Variants in RALGAPB observed in about 807,000 individuals in gnomAD.
The protein encoded by RALGAPB is ral GTPase-activating protein subunit beta.
A neutral mutation model predicts 161.1 loss-of-function variants in RALGAPB; 25 were observed. The ratio of observed to expected loss-of-function variants is 0.16; its 90% confidence interval spans 0.11 to 0.22. The LOEUF (loss-of-function observed/expected upper bound fraction) is 0.22. Among genes scored for constraint, RALGAPB ranks in the 10% least tolerant of loss-of-function variants. RALGAPB has a pLI of 1.00. For missense variants in RALGAPB, 1,391 were observed against 1,815.2 expected (o/e 0.77, Z 4.25); for synonymous variants, 629 against 626.1 (o/e 1.00, Z -0.07).
chr20:38,478,314 A>G (rs147542751), intron 1 of RALGAPB, among the ~76,000 whole-genome samples: 74 of 152,352 alleles, frequency 4.9e-4, no homozygotes, highest in African/African-American at 1.7e-3. Flanking sequence ...CGTCTGTCTT[A>G]CCTAACCTTC....
At chr20:38,565,757 G>A (rs770545992) in intron 25 of RALGAPB, among the ~76,000 whole-genome samples, 1 of 151,938 alleles carries the variant, frequency 6.6e-6, no homozygotes, top group Non-Finnish European at 1.5e-5. Context: ...CAATACATAG[G>A]CTTATTTTCC....
At chr20:38,565,132 G>C (rs1568981753) in intron 24 of RALGAPB, among the ~76,000 whole-genome samples, 1 of 151,904 alleles carries the variant, frequency 6.6e-6, no homozygotes, top group East Asian at 1.9e-4. Flanking sequence ...AATCAGAAGT[G>C]GTCTGATATA....
chr20:38,551,928 A>G (rs550974969), intron 21 of RALGAPB, among the ~76,000 whole-genome samples: 2 of 152,234 alleles, frequency 1.3e-5, no homozygotes, highest in South Asian at 4.2e-4. Context: ...AGAAGAAGGA[A>G]TAGAAAAAGT....
Position 38,576,199 on chromosome 20 carries a change from C to T in RALGAPB, c.*1232C>T, listed in dbSNP as rs150808101. Reference sequence around the variant, plus strand: ...TTACAGTGCTACAGTATACACTGCTCATTTATCCTATTCTCATGTGCTTTC... The same window carrying T: ...TTACAGTGCTACAGTATACACTGCTTATTTATCCTATTCTCATGTGCTTTC... On this transcript the variant is annotated 3_prime_UTR_variant, in exon 30 of 30. Transcript: ENST00000262879. The T allele has an allele frequency of 1.1e-3, 164 of 152,762 alleles. 1 individual carries two copies. The highest frequency in any genetic ancestry group is 2.1e-3 in the South Asian group (10 of 4,828). 9.5% of individuals were successfully genotyped at this position (152,762 alleles called of 1,614,324 possible). A position where few individuals can be genotyped will look rare whatever the true frequency, so the allele number is the denominator to read the frequency against.
intron 13 of RALGAPB, among the ~76,000 whole-genome samples, chr20:38,528,345 TTTTATTTATTTATTTA>T (rs55916951): frequency 1.4e-4 from 21 of 147,350 alleles, no homozygotes; most frequent in Middle Eastern, 3.5e-3. Flanking sequence ...TTCATTTTAT[TTTTATTTATTTATTTA>T]TTTATTTATT....
In RALGAPB at chr20:38,575,301, A is replaced by G. The variant is rs1751383576; in HGVS notation, c.*334A>G. 1.0e-5 allele frequency: 2 copies of G among 198,392 alleles called. No individual in the cohort carries two copies. The highest frequency in any genetic ancestry group is 1.1e-4 in the South Asian group (1 of 8,718). The allele number at this position is 198,392 out of a possible 1,614,324, so 12.3% of individuals were successfully genotyped here. A position where few individuals can be genotyped will look rare whatever the true frequency, so the allele number is the denominator to read the frequency against. ...TCAGTTAAACACGTGCATTGGTAGT[A>G]TCAACAAATTTGCAATATAGAAGTT... On this transcript the variant is annotated 3_prime_UTR_variant, in exon 30 of 30. Coordinates refer to ENST00000262879, the MANE Select transcript of RALGAPB (RefSeq NM_020336.4).
chr20:38,554,773 C>G (rs917361861), intron 22 of RALGAPB, among the ~76,000 whole-genome samples: 1 of 152,172 alleles, frequency 6.6e-6, no homozygotes, highest in African/African-American at 2.4e-5. Context: ...TTCTTAATTC[C>G]ATTAGCCTTA....
intron 3 of RALGAPB, among the ~76,000 whole-genome samples, chr20:38,494,604 T>G (rs558546229): frequency 1.3e-5 from 2 of 152,304 alleles, no homozygotes; most frequent in East Asian, 3.9e-4. Context: ...GCACTCAGCC[T>G]GGGTGACAGA....
intron 1 of RALGAPB, among the ~76,000 whole-genome samples, chr20:38,482,113 G>A (rs2084986827): frequency 6.6e-6 from 1 of 152,098 alleles, no homozygotes; most frequent in Non-Finnish European, 1.5e-5. Context: ...TACATATTTT[G>A]TATATATATT....
chr20:38,520,771 T>A (rs768788530), intron 9 of RALGAPB, among the ~76,000 whole-genome samples: 9 of 152,174 alleles, frequency 5.9e-5, no homozygotes, highest in Non-Finnish European at 1.0e-4. Flanking sequence ...TGATTTTCAA[T>A]ACACTGTGAA....
chr20:38,497,003 T>G (rs2085445711), intron 3 of RALGAPB, among the ~76,000 whole-genome samples: 1 of 152,172 alleles, frequency 6.6e-6, no homozygotes, highest in African/African-American at 2.4e-5. Context: ...AGGGTGGCGG[T>G]GGGTATTTAC....
intron 21 of RALGAPB, 25 bp downstream of exon 21, chr20:38,551,248 G>A: frequency 6.2e-7 from 1 of 1,605,446 alleles, no homozygotes; most frequent in Non-Finnish European, 8.5e-7. Flanking sequence ...TTTAGCTGTT[G>A]TCAAGGGGAT....
chr20:38,513,015 C>T (rs919129462), intron 6 of RALGAPB, among the ~76,000 whole-genome samples: 15 of 152,112 alleles, frequency 9.9e-5, no homozygotes, highest in African/African-American at 3.6e-4. Context: ...CTGCCTCGGC[C>T]TCTCAAAGTG....
chr20:38,488,331 A>G (rs1457067313), intron 1 of RALGAPB, 72 bp from the exon 2 acceptor site: 4 of 963,844 alleles, frequency 4.2e-6, no homozygotes, highest in Admixed American at 2.2e-5. Flanking sequence ...AATAGTCTAT[A>G]CATCTGTTTT....
Position 38,509,080 on chromosome 20 carries a change from G to A in RALGAPB, c.744G>A (p.Leu248=), listed in dbSNP as rs2085856068. 1 of 1,613,264 alleles carries A rather than the reference G, an allele frequency of 6.2e-7. No homozygotes were observed. Among genetic ancestry groups the A allele is most frequent in the African/African-American group, 1.3e-5 (1 of 74,886 alleles). Reference sequence around the variant, plus strand: ...GTGGTGTGCATTTATTTTCTAGATTGCTACGCTTTACATATGGTCCTTCAT... The same window carrying A: ...GTGGTGTGCATTTATTTTCTAGATTACTACGCTTTACATATGGTCCTTCAT... ...SKVICALTSR[L]LRFTYGPSFP... Residue 248 remains leucine, a synonymous_variant, in exon 6 of 30, where the codon TTG becomes TTA. Transcript: ENST00000262879.
At chr20:38,547,270 T>C (rs2087200561) in intron 19 of RALGAPB, 1 of 151,990 alleles carries the variant, frequency 6.6e-6, no homozygotes, top group Non-Finnish European at 1.5e-5. Flanking sequence ...CATCAGCCAG[T>C]ATGTAAAAGA....
At chr20:38,527,432 GTT>G (rs1405353658) in intron 13 of RALGAPB, among the ~76,000 whole-genome samples, 1 of 152,114 alleles carries the variant, frequency 6.6e-6, no homozygotes, top group South Asian at 2.1e-4. Context: ...TGGGCAAAAA[GTT>G]TTTTAGGGTT....
chr20:38,531,037 T>G, intron 13 of RALGAPB, 130 bp from the exon 14 acceptor site: 1 of 745,650 alleles, frequency 1.3e-6, no homozygotes, highest in Non-Finnish European at 2.2e-6. Context: ...CCAACTATAA[T>G]TTCATGGGTA....
intron 13 of RALGAPB, among the ~76,000 whole-genome samples, chr20:38,527,008 C>T (rs550265992): frequency 4.6e-5 from 7 of 152,316 alleles, no homozygotes; most frequent in African/African-American, 1.7e-4. Context: ...TTTCCTCAGC[C>T]ACCTAACAGG....
Sources: gnomAD v4.1 joint callset for allele counts (sites outside exome capture counted in the v4.1 genomes callset) on GRCh38, gnomAD v4.1.1 for gene constraint, MANE v1.5 for transcripts, NCBI Gene and HGNC (gene_info 2026-07-23, HGNC 2026-07-21) for gene names.